DENND4A: variants seen among roughly 807,000 people sequenced by gnomAD.
DENND4A encodes the protein DENN domain containing 4A, also known as C-myc promoter-binding protein.
Under a neutral mutation model 199.3 loss-of-function variants are expected in DENND4A, and 70 were observed. The ratio of observed to expected loss-of-function variants is 0.35; its 90% CI spans 0.29 to 0.43. The LOEUF (loss-of-function observed/expected upper bound fraction) is 0.43, where lower values mean the gene tolerates loss of function less well. Ranked by LOEUF, DENND4A falls within the 20% of genes least tolerant of loss-of-function variation. DENND4A has a pLI of 1.00. For synonymous variants in DENND4A, 686 were observed against 766.9 expected (o/e 0.89, Z 1.74); for missense variants, 1,723 against 2,255.8 (o/e 0.76, Z 4.78).
Position 65,755,394 on chromosome 15 carries a change from G to C in DENND4A, c.311+746C>G, listed in dbSNP as rs536341157. On this transcript the variant is annotated intron_variant, in intron 3 of 32. Coordinates refer to ENST00000443035, the MANE Select transcript of DENND4A (RefSeq NM_001320835.1). ...TGAGTGGCTGTATGGTATACGAATT[G>C]TATCTCAATAATAAAGCACCCTAAG... is the stretch of plus-strand genomic sequence containing the variant. 5.1e-4 allele frequency among the ~76,000 whole-genome samples: 78 copies of C among 152,294 alleles called. 1 individual carries two copies. Among genetic ancestry groups the C allele is most frequent in the African/African-American group, 1.8e-3 (74 of 41,562 alleles).
intron 23 of DENND4A, among the ~76,000 whole-genome samples, chr15:65,677,301 C>T (rs1411499741): frequency 1.3e-5 from 2 of 152,164 alleles, no homozygotes; most frequent in Non-Finnish European, 2.9e-5. Flanking sequence ...CCTCTGCCTC[C>T]CAGGCTCAAG....
At position 65,690,586 on chromosome 15, in the gene DENND4A, C is replaced by T; in HGVS notation, c.4008G>A (p.Arg1336=). ...SPAFSPTCPF[R]EESQDTLTHS... ...GGGTTAATGTATCCTGAGATTCTTC[C>T]CTAAATGGGCAAGTAGGTGAGAAGG... Residue 1336 remains arginine, a synonymous_variant, in exon 23 of 33, where the codon AGG becomes AGA. Transcript: ENST00000443035. The T allele has an allele frequency of 6.2e-7, 1 of 1,613,496 alleles. No homozygotes were observed. Among genetic ancestry groups the T allele is most frequent in the South Asian group, 1.1e-5 (1 of 91,058 alleles).
At chr15:65,696,573 G>C in intron 21 of DENND4A, 76 bp from the exon 22 acceptor site, 1 of 1,107,348 alleles carries the variant, frequency 9.0e-7, no homozygotes, top group Non-Finnish European at 1.3e-6. Flanking sequence ...GAAGTTTTCA[G>C]TTCTACATAT....
intron 23 of DENND4A, among the ~76,000 whole-genome samples, chr15:65,685,769 A>AT (rs1291316449): frequency 1.3e-5 from 2 of 152,214 alleles, no homozygotes; most frequent in African/African-American, 4.8e-5. Flanking sequence ...TCTCAGCACC[A>AT]TTTTTTGACA....
chr15:65,785,490 TAAAA>T (rs745338686), intron 1 of DENND4A, among the ~76,000 whole-genome samples: 4 of 121,470 alleles, frequency 3.3e-5, no homozygotes, highest in African/African-American at 3.0e-5. Context: ...ATCCTGTCTC[TAAAA>T]AAAAAAAAAA....
At chr15:65,718,774 T>C (rs1259988731) in intron 12 of DENND4A, among the ~76,000 whole-genome samples, 1 of 124,678 alleles carries the variant, frequency 8.0e-6, no homozygotes, top group East Asian at 2.1e-4. Context: ...TTTTTTTTTT[T>C]TTTTTTTTTT....
intron 22 of DENND4A, among the ~76,000 whole-genome samples, chr15:65,692,432 G>A (rs1338892147): frequency 6.6e-6 from 1 of 152,128 alleles, no homozygotes; most frequent in Non-Finnish European, 1.5e-5. Flanking sequence ...GTCCTCTAAA[G>A]CATTAGTCTA....
Position 65,659,368 on chromosome 15 carries a change from C to T in DENND4A, c.*2483G>A, listed in dbSNP as rs957832921. On this transcript the variant is annotated 3_prime_UTR_variant, in exon 33 of 33. Transcript: ENST00000443035. The stretch of plus-strand genomic sequence containing the variant: ...TTTTTTTTTGAGACAGGGTCTTGCT[C>T]TGTAATCCAGGCTAGAGTGCAATGG... The T allele has an allele frequency of 1.0e-5, 1 of 97,446 alleles. No individual in the cohort carries two copies. The highest frequency in any genetic ancestry group is 1.7e-4 in the Admixed American group (1 of 5,918). The allele number at this position is 97,446 out of a possible 1,614,324, so 6.0% of individuals were successfully genotyped here.
At chr15:65,700,725 C>T (rs1464291333) in intron 19 of DENND4A, 50 bp from the exon 20 acceptor site, 4 of 1,454,434 alleles carry the variant, frequency 2.8e-6, no homozygotes, top group South Asian at 2.9e-5. Flanking sequence ...GGTAAATACA[C>T]ATTAATTTGT....
At position 65,691,358 on chromosome 15, in the gene DENND4A, C is replaced by A; in HGVS notation, c.3236G>T (p.Ser1079Ile). ...VVWGNRNRNL[S>I]GGVLMGFMLN... ...CATAAATCCCATCAGTACCCCTCCACTAAGATTACGGTTTCTATTTCCCCA... is the reference window on the plus strand; with the variant it reads ...CATAAATCCCATCAGTACCCCTCCAATAAGATTACGGTTTCTATTTCCCCA... The change falls in exon 23 of 33, where the codon AGT becomes ATT. Residue 1079 changes from serine to isoleucine, a missense_variant. This residue lies in a region of DENND4A where 650 missense variants were observed against 738.1 expected (regional missense o/e 0.88). Transcript: ENST00000443035. The A allele has an allele frequency of 6.2e-7, 1 of 1,613,608 alleles. No individual in the cohort carries two copies. The highest frequency in any genetic ancestry group is 8.5e-7 in the Non-Finnish European group (1 of 1,179,722).
At chr15:65,700,782 C>T in intron 19 of DENND4A, 107 bp from the exon 20 acceptor site, 3 of 1,197,420 alleles carry the variant, frequency 2.5e-6, no homozygotes, top group Non-Finnish European at 3.3e-6. Context: ...ATGAAAAGTG[C>T]CACATACTTA....
intron 21 of DENND4A, chr15:65,696,812 C>CTTTT: frequency 3.9e-6 from 1 of 253,180 alleles, no homozygotes; most frequent in Non-Finnish European, 7.9e-6. Context: ...ATTAAACAAA[C>CTTTT]TTTTTTTTTT....
chr15:65,692,130 A>G (rs2076994237), intron 22 of DENND4A, among the ~76,000 whole-genome samples: 1 of 151,976 alleles, frequency 6.6e-6, no homozygotes, highest in African/African-American at 2.4e-5. Flanking sequence ...GCTTATTAAA[A>G]TGAAAAAAGA....
intron 1 of DENND4A, among the ~76,000 whole-genome samples, chr15:65,782,014 G>T (rs558547811): frequency 6.6e-6 from 1 of 152,178 alleles, no homozygotes; most frequent in Non-Finnish European, 1.5e-5. Context: ...AACTACAGTG[G>T]GATAAAGAGT....
At chr15:65,784,286 G>A (rs1467864273) in intron 1 of DENND4A, among the ~76,000 whole-genome samples, 5 of 152,052 alleles carry the variant, frequency 3.3e-5, no homozygotes, top group African/African-American at 7.3e-5. Context: ...ATGTATTGTC[G>A]TATTCTGGAT....
intron 32 of DENND4A, 72 bp from the exon 33 acceptor site, chr15:65,662,059 T>C: frequency 7.7e-7 from 1 of 1,294,542 alleles, no homozygotes; most frequent in Non-Finnish European, 1.1e-6. Flanking sequence ...CAAGTTTCTA[T>C]AATACTACAG....
intron 19 of DENND4A, 86 bp downstream of exon 19, chr15:65,700,965 T>A: frequency 7.0e-7 from 1 of 1,423,342 alleles, no homozygotes; most frequent in South Asian, 1.3e-5. Flanking sequence ...CATTCAATAT[T>A]TTAAAACTAT....
chr15:65,676,533 A>T lies in DENND4A; in HGVS notation c.4281T>A (p.Pro1427=). Reference sequence around the variant, plus strand: ...TAGCACTGGTCTCTTGAGAGGAGATAGGTCCTTCCAACTCATGGCAGACAT... The same window carrying T: ...TAGCACTGGTCTCTTGAGAGGAGATTGGTCCTTCCAACTCATGGCAGACAT... ...DEDVCHELEG[P]ISSQETSATS... is the part of the protein sequence containing the mutation. The change falls in exon 24 of 33, where the codon CCT becomes CCA. Residue 1427 remains proline, a synonymous_variant. Transcript: ENST00000443035. 6.2e-7 allele frequency: 1 copy of T among 1,613,778 alleles called. No homozygotes were observed.
Position 65,792,016 on chromosome 15 carries a change from G to C in DENND4A, c.-108C>G, listed in dbSNP as rs572744816. On this transcript the variant is annotated 5_prime_UTR_variant, in exon 1 of 33. Coordinates refer to ENST00000443035, the MANE Select transcript of DENND4A (RefSeq NM_001320835.1). ...TCGCCGCCCCCGCACTCACCACCCA[G>C]CTGGCTCCCGTGCGAGCAGCGGATC... is the stretch of plus-strand genomic sequence containing the variant. 6.6e-6 allele frequency: 1 copy of C among 152,280 alleles called. No individual in the cohort carries two copies. The highest frequency in any genetic ancestry group is 1.5e-5 in the Non-Finnish European group (1 of 68,098). 9.4% of individuals were successfully genotyped at this position (152,280 alleles called of 1,614,324 possible).
Sources: allele counts gnomAD v4.1 joint callset (sites outside exome capture counted in the v4.1 genomes callset), GRCh38; gene constraint gnomAD v4.1.1; regional missense constraint gnomAD v4.1.1; transcripts MANE v1.5; gene names NCBI Gene and HGNC (gene_info 2026-07-23, HGNC 2026-07-21).